TRANK1: variants seen among roughly 807,000 people sequenced by gnomAD.
The protein encoded by TRANK1 is tetratricopeptide repeat and ankyrin repeat containing 1, also known as TPR and ankyrin repeat-containing protein 1.
A neutral mutation model predicts 266.0 loss-of-function variants in TRANK1; 198 were observed. The ratio of observed to expected loss-of-function variants is 0.74; its 90% confidence interval spans 0.66 to 0.84. TRANK1 has a LOEUF of 0.84. Among genes scored for constraint, TRANK1 ranks in the 40% least tolerant of loss-of-function variants. The probability of loss-of-function intolerance (pLI) is 0.00; values close to 1 mark genes in which losing one functional copy is unlikely to be tolerated. For missense variants in TRANK1, 3,326 were observed against 3,634.6 expected (o/e 0.92, Z 2.18); for synonymous variants, 1,396 against 1,384.1 (o/e 1.01, Z -0.19).
intron 1 of TRANK1, among the ~76,000 whole-genome samples, chr3:36,931,688 C>T (rs2080362052): frequency 6.6e-6 from 1 of 152,150 alleles, no homozygotes; most frequent in Non-Finnish European, 1.5e-5. Context: ...GACAACACAG[C>T]AAGACCCTGT....
intron 9 of TRANK1, among the ~76,000 whole-genome samples, chr3:36,872,257 C>T (rs914363194): frequency 2.0e-5 from 3 of 152,070 alleles, no homozygotes; most frequent in Admixed American, 6.6e-5. Flanking sequence ...AAAAAGTAGC[C>T]GAGTGTGGTG....
Position 36,856,315 on chromosome 3 carries a change from T to C in TRANK1, c.3407A>G (p.Glu1136Gly). 6.3e-7 allele frequency: 1 copy of C among 1,576,284 alleles called. No individual in the cohort carries two copies. The change falls in exon 13 of 24, where the codon GAA (glutamate) becomes GGA (glycine). Residue 1136 changes from glutamate (E) to glycine (G), a missense_variant. Coordinates refer to ENST00000645898, the MANE Select transcript of TRANK1 (RefSeq NM_001329998.2). ...AGAATCTTCCTCTTCCTCGTCCTCT[T>C]CCTCCTCCTCTTCCTCCCCACCTGG... ...ESPGGEEEEEEEDEEEEDSIE... is the reference protein window; with the variant it reads ...ESPGGEEEEEGEDEEEEDSIE...
intron 18 of TRANK1, among the ~76,000 whole-genome samples, chr3:36,840,752 T>C (rs185336367): frequency 2.4e-3 from 358 of 151,968 alleles, no homozygotes; most frequent in African/African-American, 8.4e-3. Flanking sequence ...GTCCCCCCGG[T>C]CCCCTGAGCC....
At chr3:36,849,171 G>A (rs1399391888) in intron 15 of TRANK1, among the ~76,000 whole-genome samples, 1 of 152,118 alleles carries the variant, frequency 6.6e-6, no homozygotes, top group Non-Finnish European at 1.5e-5. Context: ...CTATTCTCTA[G>A]GTCAATTAGA....
rs114990305 is a variant in TRANK1, at chr3:36,889,402, A to T, written c.907+427T>A. Among the ~76,000 whole-genome samples, 490 of 152,274 alleles carry T rather than the reference A, an allele frequency of 3.2e-3. 2 individuals carry two copies. The highest frequency in any genetic ancestry group is 0.011 in the African/African-American group (468 of 41,548). On this transcript the variant is annotated intron_variant, in intron 8 of 23. Coordinates refer to ENST00000645898, the MANE Select transcript of TRANK1 (RefSeq NM_001329998.2). ...TGTGCCTAGTCTGGCCCCAGCAGGTATGGGAAGATGCAATCCCTGTGTTAG... is the reference window on the plus strand; with the variant it reads ...TGTGCCTAGTCTGGCCCCAGCAGGTTTGGGAAGATGCAATCCCTGTGTTAG...
At chr3:36,843,386 C>G (rs1423460595) in intron 17 of TRANK1, among the ~76,000 whole-genome samples, 2 of 152,094 alleles carry the variant, frequency 1.3e-5, no homozygotes, top group East Asian at 3.8e-4. Context: ...TAGCAAGCTC[C>G]CAGGCCAGGG....
intron 1 of TRANK1, among the ~76,000 whole-genome samples, chr3:36,912,031 T>C (rs1246029767): frequency 6.6e-6 from 1 of 151,742 alleles, no homozygotes; most frequent in Non-Finnish European, 1.5e-5. Flanking sequence ...CTACTAAAAA[T>C]ATACAAAAAT....
intron 1 of TRANK1, among the ~76,000 whole-genome samples, chr3:36,911,540 G>A (rs1164988497): frequency 1.3e-5 from 2 of 151,998 alleles, no homozygotes; most frequent in South Asian, 2.1e-4. Context: ...TGTTATGTGA[G>A]CAACAACAAA....
chr3:36,896,752 T>G (rs1044324214), intron 4 of TRANK1, among the ~76,000 whole-genome samples: 4 of 152,168 alleles, frequency 2.6e-5, no homozygotes, highest in African/African-American at 9.7e-5. Flanking sequence ...CTGAGCACTT[T>G]GGGAGGCCAA....
At position 36,874,217 on chromosome 3, in the gene TRANK1, C is replaced by T; in HGVS notation, c.987G>A (p.Val329=). The T allele has an allele frequency of 1.3e-6, 2 of 1,537,160 alleles. No homozygotes were observed. Among genetic ancestry groups the T allele is most frequent in the Non-Finnish European group, 1.7e-6 (2 of 1,146,890 alleles). ...AGTTCTTATTCCTCTTCAGGACATC[C>T]ACAACAGACCGAGACTGTCGATCCA... ...TLLDRQSRSV[V]DVLKRNKNFK... Residue 329 remains valine (V), a synonymous_variant, in exon 9 of 24, where the codon GTG becomes GTA. Transcript: ENST00000645898.
intron 4 of TRANK1, 61 bp from the exon 5 acceptor site, chr3:36,895,819 A>G (rs1371055755): frequency 8.8e-7 from 1 of 1,134,874 alleles, no homozygotes; most frequent in Admixed American, 2.8e-5. Flanking sequence ...GCATTTGGGA[A>G]AAGGTCCTCC....
intron 6 of TRANK1, 48 bp downstream of exon 6, chr3:36,892,853 A>ATATATATATC: frequency 1.9e-5 from 4 of 210,470 alleles, no homozygotes; most frequent in Non-Finnish European, 1.9e-5. Flanking sequence ...AAAACAAAAC[A>ATATATATATC]TATATATATA....
intron 15 of TRANK1, 73 bp downstream of exon 15, chr3:36,851,646 A>G: frequency 6.6e-7 from 1 of 1,513,572 alleles, no homozygotes; most frequent in Non-Finnish European, 8.8e-7. Context: ...TCAACTCCAA[A>G]TTCTCTTCCC....
At chr3:36,843,318 C>G (rs941537718) in intron 17 of TRANK1, among the ~76,000 whole-genome samples, 1 of 152,056 alleles carries the variant, frequency 6.6e-6, no homozygotes, top group Non-Finnish European at 1.5e-5. Flanking sequence ...TCTATGGCTA[C>G]AAATCAGAAG....
chr3:36,842,542 A>G (rs2078860827), intron 18 of TRANK1, 80 bp downstream of exon 18: 1 of 1,273,118 alleles, frequency 7.9e-7, no homozygotes, highest in African/African-American at 1.5e-5. Context: ...TCCTGGTGAC[A>G]AACACCATGA....
At chr3:36,926,096 C>T (rs60082704) in intron 1 of TRANK1, among the ~76,000 whole-genome samples, 2 of 152,312 alleles carry the variant, frequency 1.3e-5, no homozygotes, top group African/African-American at 4.8e-5. Flanking sequence ...CATATACCCC[C>T]ACACCACAAC....
At chr3:36,913,030 T>TTGTGTGTGTG (rs10633466) in intron 1 of TRANK1, among the ~76,000 whole-genome samples, 4,859 of 144,100 alleles carry the variant, frequency 0.034, 163 homozygotes, top group African/African-American at 0.085. Context: ...TATGTCTCTT[T>TTGTGTGTGTG]TGTGTGTGTG....
intron 2 of TRANK1, among the ~76,000 whole-genome samples, chr3:36,905,096 G>A (rs913849007): frequency 2.6e-4 from 40 of 152,008 alleles, no homozygotes; most frequent in African/African-American, 8.9e-4. Context: ...AGACCATCCC[G>A]GCTAACACGG....
intron 5 of TRANK1, among the ~76,000 whole-genome samples, chr3:36,894,897 G>A (rs1233496070): frequency 1.3e-5 from 2 of 152,048 alleles, no homozygotes; most frequent in African/African-American, 2.4e-5. Flanking sequence ...CACCAATGAC[G>A]ACTACTATTC....
Sources: gnomAD v4.1 joint callset for allele counts (sites outside exome capture counted in the v4.1 genomes callset) on GRCh38, gnomAD v4.1.1 for gene constraint, MANE v1.5 for transcripts, NCBI Gene and HGNC (gene_info 2026-07-23, HGNC 2026-07-21) for gene names.